The following AQR variants were observed in gnomAD, a reference collection of about 807,000 sequenced individuals.
The protein encoded by AQR is aquarius intron-binding spliceosomal factor, also known as RNA helicase aquarius.
In AQR, 61 loss-of-function variants were observed where a neutral mutation model predicts 180.5. The ratio of observed to expected loss-of-function variants is 0.34; its 90% CI spans 0.28 to 0.42. AQR has a LOEUF of 0.42. Ranked by LOEUF, AQR falls within the 10% of genes least tolerant of loss-of-function variation. The pLI is 1.00. For missense variants in AQR, 1,281 were observed against 1,798.3 expected (o/e 0.71, Z 5.20); for synonymous variants, 551 against 588.8 (o/e 0.94, Z 0.93).
chr15:34,890,109 T>C, intron 24 of AQR, 106 bp downstream of exon 24: 1 of 966,736 alleles, frequency 1.0e-6, no homozygotes, highest in Non-Finnish European at 1.5e-6. Context: ...TTAGAACCTT[T>C]CAGAATTAAG....
chr15:34,945,180 G>C (rs1199236004), intron 5 of AQR, among the ~76,000 whole-genome samples: 1 of 152,094 alleles, frequency 6.6e-6, no homozygotes, highest in Non-Finnish European at 1.5e-5. Context: ...CTGCAGTCCA[G>C]ATTTCTCTTC....
intron 10 of AQR, among the ~76,000 whole-genome samples, chr15:34,933,758 C>T (rs1235280617): frequency 6.6e-6 from 1 of 152,184 alleles, no homozygotes; most frequent in Non-Finnish European, 1.5e-5. Context: ...TTGTGACTTC[C>T]TTCTCTAAGT....
intron 3 of AQR, among the ~76,000 whole-genome samples, chr15:34,958,994 TATAGATATAG>T (rs993730679): frequency 2.3e-5 from 3 of 131,840 alleles, no homozygotes; most frequent in African/African-American, 9.1e-5. Context: ...TAGATATAGA[TATAGATATAG>T]ATATAGATAT....
chr15:34,920,607 T>G (rs544988798), intron 13 of AQR, among the ~76,000 whole-genome samples, 173 bp from the exon 14 acceptor site: 2 of 152,316 alleles, frequency 1.3e-5, no homozygotes, highest in Admixed American at 1.3e-4. Flanking sequence ...CAAAATATTT[T>G]CTGCAAACCT....
At chr15:34,919,480 A>G (rs7171890) in intron 14 of AQR, among the ~76,000 whole-genome samples, 16,850 of 152,168 alleles carry the variant, frequency 0.11, 1,042 homozygotes, top group Middle Eastern at 0.17. Context: ...TTGTAGCACT[A>G]TACATTTTAA....
intron 11 of AQR, among the ~76,000 whole-genome samples, chr15:34,930,672 C>G (rs1487266716): frequency 1.3e-5 from 2 of 152,140 alleles, no homozygotes; most frequent in Admixed American, 1.3e-4. Context: ...TAAAGAAGCC[C>G]AGCATTTTAA....
chr15:34,937,560 G>C (rs557903022), intron 9 of AQR, among the ~76,000 whole-genome samples: 1 of 152,150 alleles, frequency 6.6e-6, no homozygotes, highest in Non-Finnish European at 1.5e-5. Flanking sequence ...TACCTATAGA[G>C]CTGTTCTTAG....
chr15:34,877,645 C>T (rs1321269035), intron 27 of AQR, among the ~76,000 whole-genome samples: 1 of 152,130 alleles, frequency 6.6e-6, no homozygotes, highest in Non-Finnish European at 1.5e-5. Flanking sequence ...TTCTGAAAAT[C>T]AATTCTGAAA....
chr15:34,966,881 T>A (rs891410492), intron 1 of AQR, among the ~76,000 whole-genome samples: 1 of 139,936 alleles, frequency 7.1e-6, no homozygotes, highest in African/African-American at 2.7e-5. Flanking sequence ...TTTTTTTTTT[T>A]TTTTTTTTTT....
chr15:34,957,531 G>A (rs1040867627), intron 3 of AQR, among the ~76,000 whole-genome samples: 5 of 150,054 alleles, frequency 3.3e-5, no homozygotes, highest in Non-Finnish European at 5.9e-5. Flanking sequence ...GAGAAACCCC[G>A]TCTCTACTAA....
At position 34,946,178 on chromosome 15, in the gene AQR, G is replaced by A. The variant is rs182144774; in HGVS notation, c.331-1750C>T. On this transcript the variant is annotated intron_variant, in intron 5 of 34. Coordinates refer to ENST00000156471, the MANE Select transcript of AQR (RefSeq NM_014691.3). ...CCCAGCTTCTTGGGAGGCAGAGGCA[G>A]GAGAATTGCTGGAACCTGGGAGGCA... Among the ~76,000 whole-genome samples the A allele has an allele frequency of 2.8e-3, 420 of 152,296 alleles. 1 individual carries two copies. The highest frequency in any genetic ancestry group is 9.6e-3 in the African/African-American group (398 of 41,572).
At chr15:34,883,622 T>C (rs1005266824) in intron 26 of AQR, among the ~76,000 whole-genome samples, 23 of 152,182 alleles carry the variant, frequency 1.5e-4, no homozygotes, top group Admixed American at 1.2e-3. Context: ...TAATCACATC[T>C]AAAAGATACA....
intron 11 of AQR, among the ~76,000 whole-genome samples, chr15:34,931,233 T>G (rs1279294489): frequency 6.6e-6 from 1 of 152,160 alleles, no homozygotes; most frequent in African/African-American, 2.4e-5. Context: ...TTTCTCTTGC[T>G]AACGAGGCTC....
rs201986214 is a variant in AQR, at chr15:34,873,806, T to A, written c.3597+22A>T. 6.5e-6 allele frequency: 10 copies of A among 1,536,252 alleles called. No individual in the cohort carries two copies. In the African/African-American group the frequency reaches 6.9e-5, roughly 11 times the overall value. On this transcript the variant is annotated intron_variant, in intron 30 of 34. Coordinates refer to ENST00000156471, the MANE Select transcript of AQR (RefSeq NM_014691.3). ...AGCCAGCAAATGCAAAATAAACTTA[T>A]AAGCTTCCTATTTTTTCTTACCTGA...
intron 32 of AQR, among the ~76,000 whole-genome samples, chr15:34,867,213 TCTC>T (rs1322914501): frequency 1.3e-5 from 2 of 150,058 alleles, no homozygotes; most frequent in Non-Finnish European, 2.9e-5. Context: ...TTTTAGTTAA[TCTC>T]CTTTAATTTC....
At chr15:34,953,589 A>G (rs1029996436) in intron 3 of AQR, among the ~76,000 whole-genome samples, 18 of 152,266 alleles carry the variant, frequency 1.2e-4, no homozygotes, top group African/African-American at 3.6e-4. Context: ...AACTTTAGTG[A>G]GAATGAAATG....
Position 34,891,734 on chromosome 15 carries a change from T to C in AQR, c.2572-1410A>G, listed in dbSNP as rs528342524. Among the ~76,000 whole-genome samples the C allele has an allele frequency of 9.2e-5, 14 of 151,480 alleles. No individual in the cohort carries two copies. The South Asian group carries it at 2.3e-3, about 25-fold the overall frequency. On this transcript the variant is annotated intron_variant, in intron 23 of 34. Transcript: ENST00000156471. ...ATAGGTTTTTACAGAACAAATTTTA[T>C]AAACAGAAGAAAAAAACTTCTTTTC...
In AQR at chr15:34,893,671, A is replaced by G; in HGVS notation, c.2563T>C (p.Ser855Pro). 1 of 1,601,276 alleles carries G rather than the reference A, an allele frequency of 6.2e-7. No individual in the cohort carries two copies. Among genetic ancestry groups the G allele is most frequent in the Non-Finnish European group, 8.5e-7 (1 of 1,169,626 alleles). The change falls in exon 23 of 35, where the codon TCC (serine) becomes CCC (proline). Residue 855 changes from serine (S) to proline (P), a missense_variant. Physicochemically the swap from Ser to Pro is moderately conservative, Grantham distance 74. This residue lies in a region of AQR where 31 missense variants were observed against 95.5 expected (regional missense o/e 0.32). Transcript: ENST00000156471. ...PEQRTLIVTHSNQALNQLFEK... is the reference protein window; with the variant it reads ...PEQRTLIVTHPNQALNQLFEK... ...CACACACAGTCATTTACCTGATTGG[A>G]ATGAGTAACAATTAGAGTCCTCTGT...
Position 34,946,854 on chromosome 15 carries a change from G to T in AQR, c.330+1410C>A, listed in dbSNP as rs553252306. On this transcript the variant is annotated intron_variant, in intron 5 of 34. Coordinates refer to ENST00000156471, the MANE Select transcript of AQR (RefSeq NM_014691.3). ...CTACTGGGAAGTGAGGAGCCCCTCTGCCCAGCCAGCCGCCCCGTCCGGGAG... is the reference window on the plus strand; with the variant it reads ...CTACTGGGAAGTGAGGAGCCCCTCTTCCCAGCCAGCCGCCCCGTCCGGGAG... 3.0e-4 allele frequency among the ~76,000 whole-genome samples: 45 copies of T among 148,498 alleles called. No individual in the cohort carries two copies. In the East Asian group the frequency reaches 8.7e-3, roughly 29 times the overall value.
Sources: gnomAD v4.1 joint callset for allele counts (sites outside exome capture counted in the v4.1 genomes callset) on GRCh38, gnomAD v4.1.1 for gene constraint, gnomAD v4.1.1 regional missense constraint, MANE v1.5 for transcripts, NCBI Gene and HGNC (gene_info 2026-07-23, HGNC 2026-07-21) for gene names.